Variants in ATP6V1A observed in about 807,000 individuals in gnomAD.
ATP6V1A encodes ATPase H+ transporting V1 subunit A.
ATP6V1A carries 18 observed loss-of-function variants against 70.1 expected under a neutral mutation model. The observed-to-expected ratio is 0.26, with a 90% CI of 0.18 to 0.38. The LOEUF is 0.38. Among genes scored for constraint, ATP6V1A ranks in the 10% least tolerant of loss-of-function variants. ATP6V1A has a pLI of 1.00. For synonymous variants in ATP6V1A, 232 were observed against 253.8 expected (o/e 0.91, Z 0.82); for missense variants, 424 against 772.4 (o/e 0.55, Z 5.35).
chr3:113,800,733 ATT>A (rs1408120593), intron 12 of ATP6V1A, among the ~76,000 whole-genome samples: 1 of 152,188 alleles, frequency 6.6e-6, no homozygotes. Flanking sequence ...ACCCCTTAAC[ATT>A]AGCCTTAAAA....
At chr3:113,801,911 G>A (rs1322169654) in intron 12 of ATP6V1A, among the ~76,000 whole-genome samples, 3 of 148,946 alleles carry the variant, frequency 2.0e-5, no homozygotes, top group African/African-American at 7.4e-5. Flanking sequence ...GAGATAAAAG[G>A]GATTTACAAA....
At chr3:113,758,096 A>T (rs1708664830) in intron 1 of ATP6V1A, among the ~76,000 whole-genome samples, 1 of 152,116 alleles carries the variant, frequency 6.6e-6, no homozygotes, top group African/African-American at 2.4e-5. Flanking sequence ...GTGAGCTGAG[A>T]TCACACCCAC....
chr3:113,803,741 C>A, intron 13 of ATP6V1A, 64 bp downstream of exon 13: 1 of 1,328,662 alleles, frequency 7.5e-7, no homozygotes, highest in Non-Finnish European at 1.1e-6. Flanking sequence ...TGAAGGAGTA[C>A]ACATTAAAAA....
Position 113,798,272 on chromosome 3 carries a change from T to C in ATP6V1A, c.1320T>C (p.Ala440=), listed in dbSNP as rs1402106661. Residue 440 remains alanine, a synonymous_variant, in exon 12 of 15, where the codon GCT becomes GCC. Transcript: ENST00000273398. ...TCTGGGGCTTAGATAAGAAACTAGCTCAACGTAAGCATTTCCCCTCTGTCA... is the reference window on the plus strand; with the variant it reads ...TCTGGGGCTTAGATAAGAAACTAGCCCAACGTAAGCATTTCCCCTCTGTCA... ...QVFWGLDKKL[A]QRKHFPSVNW... is the part of the protein sequence containing the mutation. 1.9e-6 allele frequency: 3 copies of C among 1,613,860 alleles called. No individual in the cohort carries two copies. The highest frequency in any genetic ancestry group is 2.5e-6 in the Non-Finnish European group (3 of 1,180,002).
intron 1 of ATP6V1A, among the ~76,000 whole-genome samples, chr3:113,764,164 T>C (rs1187049184): frequency 6.6e-6 from 1 of 151,910 alleles, no homozygotes; most frequent in African/African-American, 2.4e-5. Flanking sequence ...GCCCAAGAGA[T>C]TGAGGCTGCA....
intron 1 of ATP6V1A, among the ~76,000 whole-genome samples, chr3:113,760,244 T>C (rs1196335743): frequency 6.6e-6 from 1 of 152,244 alleles, no homozygotes; most frequent in Admixed American, 6.5e-5. Context: ...AGGTGTTTTT[T>C]CACCTATCTT....
intron 1 of ATP6V1A, among the ~76,000 whole-genome samples, chr3:113,753,693 C>CTTTTTTTTT (rs11375661): frequency 7.1e-6 from 1 of 141,098 alleles, no homozygotes; most frequent in Non-Finnish European, 1.5e-5. Flanking sequence ...TATCATGTGT[C>CTTTTTTTTT]TTTTTTTTTT....
At chr3:113,808,673 C>A (rs1047302893) in intron 14 of ATP6V1A, among the ~76,000 whole-genome samples, 1 of 152,060 alleles carries the variant, frequency 6.6e-6, no homozygotes, top group Non-Finnish European at 1.5e-5. Context: ...AGATGTTGAG[C>A]AAATTCTGTT....
chr3:113,773,846 C>T (rs1708878546), intron 1 of ATP6V1A, among the ~76,000 whole-genome samples: 1 of 152,132 alleles, frequency 6.6e-6, no homozygotes, highest in South Asian at 2.1e-4. Flanking sequence ...AATCTCCAGC[C>T]TATAGTACTT....
At chr3:113,807,982 T>G (rs577271319) in intron 14 of ATP6V1A, among the ~76,000 whole-genome samples, 7 of 151,942 alleles carry the variant, frequency 4.6e-5, no homozygotes, top group African/African-American at 1.7e-4. Flanking sequence ...AATACAGAAT[T>G]AGCTGGGCGT....
At chr3:113,776,823 C>T (rs1248415858) in intron 1 of ATP6V1A, among the ~76,000 whole-genome samples, 1 of 152,202 alleles carries the variant, frequency 6.6e-6, no homozygotes, top group Non-Finnish European at 1.5e-5. Context: ...TTATACCAGT[C>T]AGGCTGGTCT....
chr3:113,801,684 C>T (rs1709213931), intron 12 of ATP6V1A, among the ~76,000 whole-genome samples: 1 of 151,974 alleles, frequency 6.6e-6, no homozygotes, highest in African/African-American at 2.4e-5. Context: ...AGGGTGCACA[C>T]CACAGAGGAT....
intron 13 of ATP6V1A, among the ~76,000 whole-genome samples, chr3:113,804,040 C>G (rs1039883826): frequency 6.6e-6 from 1 of 152,166 alleles, no homozygotes; most frequent in African/African-American, 2.4e-5. Flanking sequence ...CTCTGTCACC[C>G]GAGCTAGAGT....
rs1359415950 is a variant in ATP6V1A at position 113,780,403 on chromosome 3, A to G, written c.83-647A>G. 2.6e-5 allele frequency among the ~76,000 whole-genome samples: 4 copies of G among 152,366 alleles called. No individual in the cohort carries two copies. In the East Asian group the frequency reaches 7.7e-4, roughly 29 times the overall value. ...CCACATGGTCCAAAATAGTAAGTTC[A>G]GTAAATGGAATTCCATTGACAATTT... On this transcript the variant is annotated intron_variant, in intron 2 of 14. Transcript: ENST00000273398.
intron 1 of ATP6V1A, among the ~76,000 whole-genome samples, chr3:113,756,347 A>G (rs1397048496): frequency 6.6e-6 from 1 of 152,222 alleles, no homozygotes; most frequent in Non-Finnish European, 1.5e-5. Flanking sequence ...CATTTTGTAC[A>G]TCTACAATAA....
chr3:113,762,743 T>C (rs1708719928), intron 1 of ATP6V1A, among the ~76,000 whole-genome samples: 2 of 151,986 alleles, frequency 1.3e-5, no homozygotes, highest in South Asian at 4.2e-4. Flanking sequence ...ACATAAGAAA[T>C]TTCATTATTA....
chr3:113,806,518 G>A (rs1028204385), intron 14 of ATP6V1A, among the ~76,000 whole-genome samples: 7 of 151,854 alleles, frequency 4.6e-5, no homozygotes, highest in Non-Finnish European at 7.4e-5. Flanking sequence ...GAGTACAGTG[G>A]CACAATCTCG....
In ATP6V1A at chr3:113,803,579, C is replaced by G; in HGVS notation, c.1495-4C>G. On this transcript the variant is annotated splice_region_variant and splice_polypyrimidine_tract_variant and intron_variant, in intron 12 of 14. Transcript: ENST00000273398. ...ATGTCTAAAAATATCTTTTTCTCTT[C>G]TAGGCTTCTTTGGCAGAAACAGATA... 1 of 1,593,534 alleles carries G rather than the reference C, an allele frequency of 6.3e-7. No individual in the cohort carries two copies. The highest frequency in any genetic ancestry group is 2.2e-5 in the East Asian group (1 of 44,632).
intron 1 of ATP6V1A, among the ~76,000 whole-genome samples, chr3:113,750,853 AGAG>A (rs1447225091): frequency 6.6e-6 from 1 of 152,190 alleles, no homozygotes. Context: ...GGCATGAAGA[AGAG>A]AGTAGAATTT....
Sources: gnomAD v4.1 joint callset for allele counts (sites outside exome capture counted in the v4.1 genomes callset) on GRCh38, gnomAD v4.1.1 for gene constraint, MANE v1.5 for transcripts, NCBI Gene and HGNC (gene_info 2026-07-23, HGNC 2026-07-21) for gene names.